The following LSS variants were observed in gnomAD, a reference collection of about 807,000 sequenced individuals.
The protein encoded by LSS is 2,3-epoxysqualene-lanosterol cyclase.
In LSS, 90 loss-of-function variants were observed where a neutral mutation model predicts 110.3. That is an observed-to-expected ratio of 0.82 (90% CI 0.69 to 0.97). The LOEUF (loss-of-function observed/expected upper bound fraction) is 0.97. LSS is among the 50% of genes least tolerant of loss of function. The probability of loss-of-function intolerance (pLI) is 0.00; values close to 1 mark genes in which losing one functional copy is unlikely to be tolerated. For synonymous variants in LSS, 433 were observed against 400.0 expected, an observed-to-expected ratio of 1.08 and a Z score of -0.98; for missense variants, 927 against 990.0, an observed-to-expected ratio of 0.94 and a Z score of 0.85.
Position 46,227,706 on chromosome 21 carries a change from A to AG in LSS, c.181-17_181-16insC. 2.6e-6 allele frequency: 1 copy of AG among 382,586 alleles called. No homozygotes were observed. 23.7% of individuals were successfully genotyped at this position (382,586 alleles called of 1,614,324 possible). A position where few individuals can be genotyped will look rare whatever the true frequency, so the allele number is the denominator to read the frequency against. On this transcript the variant is annotated splice_polypyrimidine_tract_variant and intron_variant, in intron 2 of 21. Coordinates refer to ENST00000397728, the MANE Select transcript of LSS (RefSeq NM_002340.6). ...AGTAATTCTTCTGCAAAGAGATCGAAAAAAAAAAAAAGAGATAGCTGACGG... is the reference window on the plus strand; with the variant it reads ...AGTAATTCTTCTGCAAAGAGATCGAAGAAAAAAAAAAAGAGATAGCTGACGG...
rs1218103815 is a variant in LSS at position 46,189,432 on chromosome 21, T to C, written c.*1672A>G. On this transcript the variant is annotated 3_prime_UTR_variant, in exon 22 of 22. Coordinates refer to ENST00000397728, the MANE Select transcript of LSS (RefSeq NM_002340.6). ...CCTTCAGCGAAAATAAAGCCCAGTT[T>C]TAAGATGTGCAGGGAAGTGTTGACA... The C allele has an allele frequency of 6.2e-6, 2 of 323,664 alleles. No homozygotes were observed. The highest frequency in any genetic ancestry group is 2.2e-5 in the African/African-American group (1 of 45,256). The allele number at this position is 323,664 out of a possible 1,614,324, so 20.0% of individuals were successfully genotyped here.
In LSS at chr21:46,206,395, G is replaced by A. The variant is rs73908580; in HGVS notation, c.1564+277C>T. Reference sequence around the variant, plus strand: ...CCACAGAACACAAGCCCTGTGGACTGAGCAGGAACCAGCCCAGGCTGTGGA... The same window carrying A: ...CCACAGAACACAAGCCCTGTGGACTAAGCAGGAACCAGCCCAGGCTGTGGA... On this transcript the variant is annotated intron_variant, in intron 16 of 21. Coordinates refer to ENST00000397728, the MANE Select transcript of LSS (RefSeq NM_002340.6). 4.9e-3 allele frequency among the ~76,000 whole-genome samples: 740 copies of A among 152,326 alleles called. 9 individuals are homozygous for A. The highest frequency in any genetic ancestry group is 0.017 in the African/African-American group (711 of 41,580).
At chr21:46,191,787 C>T in intron 21 of LSS, 94 bp downstream of exon 21, 1 of 1,082,702 alleles carries the variant, frequency 9.2e-7, no homozygotes, top group African/African-American at 1.6e-5. Context: ...TCCAAAGTAC[C>T]CCAAAAAGGA....
At chr21:46,212,208 A>G (rs908453989) in intron 11 of LSS, among the ~76,000 whole-genome samples, 1 of 152,184 alleles carries the variant, frequency 6.6e-6, no homozygotes, top group African/African-American at 2.4e-5. Flanking sequence ...CCAGCTGGGT[A>G]AAAGCTCGTG....
At chr21:46,215,136 CA>C in intron 9 of LSS, 43 bp downstream of exon 9, 2 of 1,550,636 alleles carry the variant, frequency 1.3e-6, no homozygotes, top group South Asian at 2.2e-5. Flanking sequence ...TTTCGGACCT[CA>C]ACCCCCAGGG....
At position 46,228,589 on chromosome 21, in the gene LSS, G is replaced by A. The variant is rs1223857529; in HGVS notation, c.25C>T (p.Arg9Cys). MTEGTCLRRRGGPYKTEPA... is the reference protein window; with the variant it reads MTEGTCLRCRGGPYKTEPA... ...TCGGTCTTGTAGGGGCCCCCTCGGC[G>A]CCGCAGACACCTGAGGACCACCGGC... is the stretch of plus-strand genomic sequence containing the variant. Residue 9 changes from arginine to cysteine, a missense_variant, in exon 2 of 22, where the codon CGC (arginine) becomes TGC (cysteine). Arg to Cys is a radical substitution (Grantham distance 180). Transcript: ENST00000397728. 2 of 1,591,384 alleles carry A rather than the reference G, an allele frequency of 1.3e-6. No individual in the cohort carries two copies. Among genetic ancestry groups the A allele is most frequent in the Middle Eastern group, 1.7e-4 (1 of 6,036 alleles).
At chr21:46,221,126 G>A (rs1209539254) in intron 5 of LSS, among the ~76,000 whole-genome samples, 4 of 128,638 alleles carry the variant, frequency 3.1e-5, no homozygotes, top group African/African-American at 5.6e-5. Context: ...TGGACAGCCC[G>A]GGGCTTGGAG....
In LSS at chr21:46,188,724, AAAG is replaced by A. The variant is rs2079764002; in HGVS notation, c.*2377_*2379del. Reference sequence around the variant, plus strand: ...TGGATTGAACACAGATGTGATTTCTAAAGAAGACTGAAGGCAGGGATACTGACA... The same window carrying A: ...TGGATTGAACACAGATGTGATTTCTAAAGACTGAAGGCAGGGATACTGACA... On this transcript the variant is annotated 3_prime_UTR_variant, in exon 22 of 22. Transcript: ENST00000397728. 2.1e-6 allele frequency: 1 copy of A among 471,198 alleles called. No individual in the cohort carries two copies. The highest frequency in any genetic ancestry group is 4.4e-6 in the Non-Finnish European group (1 of 227,086). The allele number at this position is 471,198 out of a possible 1,614,324, so 29.2% of individuals were successfully genotyped here. A position where few individuals can be genotyped will look rare whatever the true frequency, so the allele number is the denominator to read the frequency against.
chr21:46,227,749 AG>A, intron 2 of LSS, 59 bp from the exon 3 acceptor site: 1 of 1,593,784 alleles, frequency 6.3e-7, no homozygotes, highest in Non-Finnish European at 8.6e-7. Flanking sequence ...GCCCGGCCAG[AG>A]GAACCCTCTT....
At chr21:46,204,464 A>T (rs1262515647) in intron 17 of LSS, among the ~76,000 whole-genome samples, 3 of 152,104 alleles carry the variant, frequency 2.0e-5, no homozygotes, top group South Asian at 2.1e-4. Flanking sequence ...GAGCCATCTA[A>T]GAGGACACTG....
chr21:46,226,541 T>TCCCA (rs2080341949), intron 3 of LSS, among the ~76,000 whole-genome samples: 1 of 152,228 alleles, frequency 6.6e-6, no homozygotes, highest in African/African-American at 2.4e-5. Context: ...GAGATGGGGA[T>TCCCA]CCCAGTGCTC....
At chr21:46,211,428 C>A (rs532994350) in intron 11 of LSS, among the ~76,000 whole-genome samples, 7 of 152,184 alleles carry the variant, frequency 4.6e-5, no homozygotes, top group Non-Finnish European at 8.8e-5. Flanking sequence ...CGCACCTGGC[C>A]AATGATCCCC....
In LSS at chr21:46,207,521, A is replaced by C. The variant is rs1022243215; in HGVS notation, c.1374T>G (p.Ala458=). 17 of 1,611,998 alleles carry C rather than the reference A, an allele frequency of 1.1e-5. No homozygotes were observed. In the East Asian group the frequency reaches 3.8e-4, roughly 36 times the overall value. ...GGAGCAGCACAGCCTTCAAGGCCTC[A>C]GCCGTGCAGTCAGAAACGATCCAGC... The part of the protein sequence containing the change: ...DCGWIVSDCT[A]EALKAVLLLQ... Residue 458 remains alanine, a synonymous_variant, in exon 15 of 22, where the codon GCT becomes GCG. Transcript: ENST00000397728.
chr21:46,214,116 T>TTCCAGGAGAA (rs2080169585), intron 9 of LSS, among the ~76,000 whole-genome samples: 1 of 151,808 alleles, frequency 6.6e-6, no homozygotes, highest in Admixed American at 6.6e-5. Flanking sequence ...AAGCGAGGGG[T>TTCCAGGAGAA]TCCAGGAGAA....
At chr21:46,224,894 G>GA (rs200769143) in intron 3 of LSS, 6,302 of 140,838 alleles carry the variant, frequency 0.045, 199 homozygotes, top group Non-Finnish European at 0.069. Context: ...GGGGGTGGGG[G>GA]ATCACGAGGT....
Position 46,191,229 on chromosome 21 carries a change from T to G in LSS, c.2074A>C (p.Ile692Leu). 6.2e-7 allele frequency: 1 copy of G among 1,614,002 alleles called. No individual in the cohort carries two copies. Among genetic ancestry groups the G allele is most frequent in the Non-Finnish European group, 8.5e-7 (1 of 1,179,980 alleles). The change falls in exon 22 of 22, where the codon ATT becomes CTT. Residue 692 changes from isoleucine to leucine, a missense_variant. Ile to Leu is a conservative substitution (Grantham distance 5, BLOSUM62 2). Coordinates refer to ENST00000397728, the MANE Select transcript of LSS (RefSeq NM_002340.6). ...LPNGDWPQEN[I>L]AGVFNKSCAI... ...CAGGACTTGTTGAAGACCCCAGCAATGTTTTCCTAAAAGAACACAGAGAAA... is the reference window on the plus strand; with the variant it reads ...CAGGACTTGTTGAAGACCCCAGCAAGGTTTTCCTAAAAGAACACAGAGAAA...
intron 17 of LSS, among the ~76,000 whole-genome samples, chr21:46,197,133 T>C (rs2079920142): frequency 2.6e-5 from 4 of 152,262 alleles, no homozygotes; most frequent in Admixed American, 2.6e-4. Flanking sequence ...ACTAGGTTTG[T>C]ACTAATATTG....
rs377458161 is a variant in LSS at position 46,222,615 on chromosome 21, G to C, written c.428+15C>G. 7.5e-6 allele frequency: 12 copies of C among 1,603,284 alleles called. No individual in the cohort carries two copies. In the African/African-American group the frequency reaches 1.5e-4, roughly 20 times the overall value. On this transcript the variant is annotated intron_variant, in intron 4 of 21. Coordinates refer to ENST00000397728, the MANE Select transcript of LSS (RefSeq NM_002340.6). ...ACATGCACATGTGCAGTGACACAGG[G>C]GCAGGCACACTCACAGGCCCCAGCC...
At chr21:46,217,197 T>C (rs905934749) in intron 6 of LSS, among the ~76,000 whole-genome samples, 1 of 149,370 alleles carries the variant, frequency 6.7e-6, no homozygotes, top group Non-Finnish European at 1.5e-5. Context: ...TGAGCCGAGA[T>C]TGTGCCACTG....
Sources: allele counts gnomAD v4.1 joint callset (sites outside exome capture counted in the v4.1 genomes callset), GRCh38; gene constraint gnomAD v4.1.1; transcripts MANE v1.5; gene names NCBI Gene and HGNC (gene_info 2026-07-23, HGNC 2026-07-21).